SHISA9: variants seen among roughly 807,000 people sequenced by gnomAD.
SHISA9 encodes shisa family member 9, also known as protein shisa-9.
In SHISA9, 13 loss-of-function variants were observed where a neutral mutation model predicts 38.0. The ratio of observed to expected loss-of-function variants is 0.34; its 90% CI spans 0.22 to 0.54. The LOEUF (loss-of-function observed/expected upper bound fraction) is 0.54, where lower values mean the gene tolerates loss of function less well. SHISA9 is among the 20% of genes least tolerant of loss of function. The probability of loss-of-function intolerance (pLI) is 0.91; values close to 1 mark genes in which losing one functional copy is unlikely to be tolerated. For missense variants in SHISA9, 538 were observed against 575.8 expected, an observed-to-expected ratio of 0.93 and a Z score of 0.67; for synonymous variants, 275 against 242.0, an observed-to-expected ratio of 1.14 and a Z score of -1.27.
intron 2 of SHISA9, among the ~76,000 whole-genome samples, chr16:13,178,758 C>T (rs1010537675): frequency 1.3e-5 from 2 of 152,168 alleles, no homozygotes; most frequent in Non-Finnish European, 2.9e-5. Context: ...TCCCAGAGAG[C>T]AGAAGATGAT....
the SHISA9 span, among the ~76,000 whole-genome samples, chr16:13,548,133 C>G: frequency 6.6e-6 from 1 of 152,082 alleles, no homozygotes; most frequent in Non-Finnish European, 1.5e-5. Flanking sequence ...GTCTCTTCAA[C>G]AAATGATGCT....
rs574164988 is a variant in SHISA9, at chr16:13,225,218, A to G, written c.896-9812A>G. Among the ~76,000 whole-genome samples, 29 of 152,320 alleles carry G rather than the reference A, an allele frequency of 1.9e-4. 1 individual carries two copies. Among genetic ancestry groups the G allele is most frequent in the Admixed American group, 1.8e-3 (28 of 15,306 alleles). On this transcript the variant is annotated intron_variant, in intron 4 of 4. Coordinates refer to ENST00000558583, the MANE Select transcript of SHISA9 (RefSeq NM_001145204.3). Reference sequence around the variant, plus strand: ...ATTGCCAGCAACCACCAGAAATTCGAAGAGGCAAGAATGGATCCTCTAGCA... The same window carrying G: ...ATTGCCAGCAACCACCAGAAATTCGGAGAGGCAAGAATGGATCCTCTAGCA...
At chr16:13,524,867 G>C in the SHISA9 span, among the ~76,000 whole-genome samples, 10 of 151,906 alleles carry the variant, frequency 6.6e-5, no homozygotes, top group Non-Finnish European at 1.2e-4. Context: ...GAGTTGTCCT[G>C]TGCCTTTCCA....
the SHISA9 span, among the ~76,000 whole-genome samples, chr16:13,528,493 A>C: frequency 6.6e-6 from 1 of 152,228 alleles, no homozygotes; most frequent in African/African-American, 2.4e-5. Context: ...TGTTTTAAAA[A>C]CTGGGTTACT....
chr16:13,109,868 T>G (rs189398736), intron 2 of SHISA9, among the ~76,000 whole-genome samples: 174 of 152,348 alleles, frequency 1.1e-3, no homozygotes, highest in African/African-American at 3.0e-3. Flanking sequence ...CTGCATAATA[T>G]TCCATCATAT....
the SHISA9 span, among the ~76,000 whole-genome samples, chr16:13,392,389 T>A: frequency 4.6e-5 from 7 of 152,204 alleles, no homozygotes; most frequent in Non-Finnish European, 8.8e-5. Flanking sequence ...AAACATTATA[T>A]TGTACACCTT....
chr16:13,539,823 C>T, the SHISA9 span, among the ~76,000 whole-genome samples: 1 of 152,126 alleles, frequency 6.6e-6, no homozygotes, highest in Non-Finnish European at 1.5e-5. Flanking sequence ...AGTGTTTAGG[C>T]ACTTATAAAT....
intron 2 of SHISA9, among the ~76,000 whole-genome samples, chr16:12,968,621 A>C (rs2072012478): frequency 6.6e-6 from 1 of 152,176 alleles, no homozygotes; most frequent in African/African-American, 2.4e-5. Context: ...GAACCTTGCA[A>C]ATATGCTGTT....
intron 2 of SHISA9, among the ~76,000 whole-genome samples, chr16:13,069,391 ATGTG>A (rs1391403916): frequency 6.6e-6 from 1 of 151,572 alleles, no homozygotes; most frequent in Non-Finnish European, 1.5e-5. Context: ...TGCAATGTGT[ATGTG>A]TGTACATACA....
At chr16:13,076,210 T>C (rs2141929408) in intron 2 of SHISA9, among the ~76,000 whole-genome samples, 1 of 152,190 alleles carries the variant, frequency 6.6e-6, no homozygotes, top group Non-Finnish European at 1.5e-5. Context: ...TTTGTATTTT[T>C]AGTAGAGACG....
the SHISA9 span, among the ~76,000 whole-genome samples, chr16:13,498,354 C>G: frequency 1.2e-4 from 18 of 152,208 alleles, no homozygotes; most frequent in Middle Eastern, 3.2e-3. Context: ...CAACTACATA[C>G]ATTGCAGTTG....
chr16:13,115,442 G>A (rs1171591610), intron 2 of SHISA9, among the ~76,000 whole-genome samples: 4 of 152,234 alleles, frequency 2.6e-5, no homozygotes, highest in African/African-American at 9.6e-5. Flanking sequence ...ATTAATTGCA[G>A]CAGGAACACA....
chr16:13,440,021 C>T, the SHISA9 span, among the ~76,000 whole-genome samples: 3 of 152,192 alleles, frequency 2.0e-5, no homozygotes, highest in Non-Finnish European at 4.4e-5. Context: ...CTCAAGAGGA[C>T]GTGCGTTCTG....
At chr16:13,290,617 A>G in the SHISA9 span, among the ~76,000 whole-genome samples, 2 of 152,202 alleles carry the variant, frequency 1.3e-5, no homozygotes, top group Non-Finnish European at 2.9e-5. Flanking sequence ...GCTGGGAGTG[A>G]CAATGTTACC....
chr16:13,292,637 C>G, the SHISA9 span, among the ~76,000 whole-genome samples: 47 of 151,984 alleles, frequency 3.1e-4, no homozygotes, highest in Non-Finnish European at 4.4e-5. Context: ...TCATCTTGTT[C>G]CTATCAAATA....
At chr16:13,507,739 G>C in the SHISA9 span, among the ~76,000 whole-genome samples, 1 of 152,120 alleles carries the variant, frequency 6.6e-6, no homozygotes, top group Non-Finnish European at 1.5e-5. Context: ...GATTCAGGTC[G>C]GGCATGTCTG....
chr16:13,330,471 C>T, the SHISA9 span, among the ~76,000 whole-genome samples: 1 of 152,196 alleles, frequency 6.6e-6, no homozygotes, highest in Non-Finnish European at 1.5e-5. Flanking sequence ...CCCTAGGTCA[C>T]CTCTCTGTTG....
chr16:13,316,803 C>T, the SHISA9 span, among the ~76,000 whole-genome samples: 1 of 152,152 alleles, frequency 6.6e-6, no homozygotes, highest in South Asian at 2.1e-4. Context: ...TATACACCTC[C>T]TTCAAGAATA....
At chr16:13,529,184 T>G in the SHISA9 span, among the ~76,000 whole-genome samples, 20 of 152,304 alleles carry the variant, frequency 1.3e-4, no homozygotes, top group East Asian at 2.9e-3. Flanking sequence ...ATAGAATGGA[T>G]TATTTGTGGC....
Sources: allele counts gnomAD v4.1 joint callset (sites outside exome capture counted in the v4.1 genomes callset), GRCh38; gene constraint gnomAD v4.1.1; transcripts MANE v1.5; gene names NCBI Gene and HGNC (gene_info 2026-07-23, HGNC 2026-07-21).